MFSD11: variants seen among roughly 807,000 people sequenced by gnomAD.
MFSD11 encodes major facilitator superfamily domain containing 11.
MFSD11 carries 36 observed loss-of-function variants against 53.5 expected under a neutral mutation model. That is an observed-to-expected ratio of 0.67 (90% CI 0.52 to 0.89). The LOEUF is 0.89. MFSD11 is among the 40% of genes least tolerant of loss of function. The pLI is 0.00. For synonymous variants in MFSD11, 186 were observed against 184.9 expected (o/e 1.01, Z -0.05); for missense variants, 530 against 543.9 (o/e 0.97, Z 0.25).
intron 9 of MFSD11, among the ~76,000 whole-genome samples, chr17:76,768,285 G>A (rs1006422011): frequency 4.0e-5 from 6 of 148,806 alleles, no homozygotes; most frequent in South Asian, 4.3e-4. Context: ...CCTGGGCCAC[G>A]GGAGTAAAGA....
At chr17:76,747,895 C>G (rs1438710200) in intron 7 of MFSD11, 1 of 152,176 alleles carries the variant, frequency 6.6e-6, no homozygotes, top group Non-Finnish European at 1.5e-5. Flanking sequence ...GAATCGTCTC[C>G]TAAATTTGGA....
At chr17:76,775,563 C>T (rs574094128) in intron 11 of MFSD11, among the ~76,000 whole-genome samples, 9 of 152,246 alleles carry the variant, frequency 5.9e-5, no homozygotes, top group South Asian at 4.1e-4. Flanking sequence ...GTTTATATAA[C>T]GTTTGAGGAT....
In MFSD11 at chr17:76,778,376, T is replaced by C; in HGVS notation, c.*24T>C. ...GATCTGGTGTCCGTGAGGGGACACG[T>C]ATGACCTCAGAAACACAGCTGGACA... On this transcript the variant is annotated 3_prime_UTR_variant, in exon 13 of 13. Coordinates refer to ENST00000685175, the MANE Select transcript of MFSD11 (RefSeq NM_001242532.5). The C allele has an allele frequency of 6.2e-7, 1 of 1,611,748 alleles. No individual in the cohort carries two copies. The highest frequency in any genetic ancestry group is 8.5e-7 in the Non-Finnish European group (1 of 1,178,048).
At chr17:76,742,096 T>C (rs772420456) in intron 4 of MFSD11, 48 bp downstream of exon 4, 15 of 1,613,930 alleles carry the variant, frequency 9.3e-6, no homozygotes, top group Non-Finnish European at 1.2e-5. Context: ...CTGGGGCCTA[T>C]CTAAGGGTAT....
intron 3 of MFSD11, among the ~76,000 whole-genome samples, chr17:76,741,489 A>G (rs774934983): frequency 1.6e-4 from 25 of 152,126 alleles, no homozygotes; most frequent in Non-Finnish European, 7.4e-5. Flanking sequence ...ATAATAAATT[A>G]TGGGCCAGGC....
intron 8 of MFSD11, among the ~76,000 whole-genome samples, chr17:76,762,691 C>T (rs1307751850): frequency 8.0e-5 from 12 of 149,274 alleles, no homozygotes; most frequent in Admixed American, 8.0e-4. Flanking sequence ...CCTTGACCAG[C>T]TAGTGAGACT....
chr17:76,799,775 A>G, the MFSD11 span, among the ~76,000 whole-genome samples: 2 of 151,976 alleles, frequency 1.3e-5, no homozygotes, highest in African/African-American at 4.8e-5. Context: ...ACCTTGCCCA[A>G]AGCTTAAAGC....
At chr17:76,791,857 T>G in the MFSD11 span, among the ~76,000 whole-genome samples, 1 of 148,248 alleles carries the variant, frequency 6.7e-6, no homozygotes, top group Non-Finnish European at 1.5e-5. Context: ...TTTTTTTCTT[T>G]TTTCTTTGTG....
chr17:76,786,863 T>G, the MFSD11 span, among the ~76,000 whole-genome samples: 1 of 152,150 alleles, frequency 6.6e-6, no homozygotes, highest in Non-Finnish European at 1.5e-5. Flanking sequence ...TCACCCAGGC[T>G]GGAGTGCAGT....
chr17:76,755,000 T>C (rs1257789168), intron 8 of MFSD11, among the ~76,000 whole-genome samples: 3 of 151,724 alleles, frequency 2.0e-5, no homozygotes, highest in African/African-American at 7.3e-5. Context: ...AGTGGATCAC[T>C]TGAGGTCAGG....
intron 7 of MFSD11, 40 bp from the exon 8 acceptor site, chr17:76,754,007 C>G (rs780332174): frequency 2.6e-6 from 4 of 1,551,682 alleles, no homozygotes; most frequent in Non-Finnish European, 3.5e-6. Flanking sequence ...CTTTTATTTT[C>G]AAAAAGAAAA....
chr17:76,803,206 GATTGAA>G, the MFSD11 span, among the ~76,000 whole-genome samples: 1 of 151,968 alleles, frequency 6.6e-6, no homozygotes, highest in Non-Finnish European at 1.5e-5. Flanking sequence ...CAAAGCAAGA[GATTGAA>G]AGTGCCATGG....
downstream of MFSD11, among the ~76,000 whole-genome samples, chr17:76,783,146 C>T: frequency 7.0e-6 from 1 of 141,880 alleles, no homozygotes; most frequent in East Asian, 2.0e-4. Context: ...CACTGCACTC[C>T]AGCTCCAAAA....
intron 10 of MFSD11, among the ~76,000 whole-genome samples, chr17:76,772,150 A>G (rs2081420395): frequency 6.6e-6 from 1 of 152,136 alleles, no homozygotes; most frequent in South Asian, 2.1e-4. Flanking sequence ...GGCCAGGCAC[A>G]GTGCTCACGC....
At chr17:76,755,312 T>G (rs1012661978) in intron 8 of MFSD11, among the ~76,000 whole-genome samples, 8 of 152,324 alleles carry the variant, frequency 5.3e-5, no homozygotes, top group African/African-American at 1.9e-4. Flanking sequence ...TTCAGAAACT[T>G]CCAGTGAGTC....
chr17:76,777,036 G>C (rs191180354), intron 12 of MFSD11, among the ~76,000 whole-genome samples: 3 of 152,182 alleles, frequency 2.0e-5, no homozygotes, highest in East Asian at 3.9e-4. Flanking sequence ...GGGAGGCCAA[G>C]GTGGGCGGAT....
intron 8 of MFSD11, among the ~76,000 whole-genome samples, chr17:76,755,007 C>T (rs938484960): frequency 3.9e-5 from 6 of 152,058 alleles, no homozygotes; most frequent in Non-Finnish European, 8.8e-5. Context: ...CACTTGAGGT[C>T]AGGAGTTTGA....
At chr17:76,738,026 C>CT (rs2077660553), upstream of MFSD11, 1 of 361,594 alleles carries the variant, frequency 2.8e-6, no homozygotes, top group Admixed American at 4.6e-5. Flanking sequence ...GGCGGGGCCG[C>CT]GCCGGCTGCT....
intron 8 of MFSD11, among the ~76,000 whole-genome samples, chr17:76,757,972 T>A (rs926367545): frequency 4.6e-5 from 7 of 152,016 alleles, no homozygotes; most frequent in African/African-American, 1.4e-4. Flanking sequence ...ATTGCACCAC[T>A]GTACTCCAGC....
Sources: allele counts gnomAD v4.1 joint callset (sites outside exome capture counted in the v4.1 genomes callset), GRCh38; gene constraint gnomAD v4.1.1; transcripts MANE v1.5; gene names NCBI Gene and HGNC (gene_info 2026-07-23, HGNC 2026-07-21).